Variants in STAG1 observed in about 807,000 individuals in gnomAD.
STAG1 encodes the protein cohesin subunit SA-1.
In STAG1, 26 loss-of-function variants were observed where a neutral mutation model predicts 170.9. That is an observed-to-expected ratio of 0.15 (90% CI 0.11 to 0.21). The LOEUF is 0.21. STAG1 is among the 10% of genes least tolerant of loss of function. The probability of loss-of-function intolerance (pLI) is 1.00; values close to 1 mark genes in which losing one functional copy is unlikely to be tolerated. For synonymous variants in STAG1, 514 were observed against 497.7 expected (o/e 1.03, Z -0.44); for missense variants, 964 against 1,509.5 (o/e 0.64, Z 5.99).
chr3:136,530,373 A>C (rs751542815), intron 6 of STAG1, among the ~76,000 whole-genome samples: 4 of 152,184 alleles, frequency 2.6e-5, no homozygotes, highest in Non-Finnish European at 4.4e-5. Flanking sequence ...AATAGACTTG[A>C]CATTTATAGG....
intron 12 of STAG1, among the ~76,000 whole-genome samples, chr3:136,470,105 A>C (rs892537010): frequency 4.6e-5 from 7 of 152,176 alleles, no homozygotes; most frequent in Non-Finnish European, 7.4e-5. Context: ...ACACCAAAAG[A>C]AATGGCAACA....
At chr3:136,664,796 G>A (rs957375278) in intron 1 of STAG1, among the ~76,000 whole-genome samples, 1 of 152,138 alleles carries the variant, frequency 6.6e-6, no homozygotes, top group African/African-American at 2.4e-5. Context: ...CTGCAACAGA[G>A]AATCTCATTC....
At chr3:136,357,661 A>G in intron 28 of STAG1, 59 bp downstream of exon 28, 1 of 1,417,100 alleles carries the variant, frequency 7.1e-7, no homozygotes, top group Non-Finnish European at 9.5e-7. Context: ...TTTTTCAAAA[A>G]ATAAACATTT....
chr3:136,392,909 A>T (rs1372078150), intron 22 of STAG1, among the ~76,000 whole-genome samples: 1 of 151,888 alleles, frequency 6.6e-6, no homozygotes, highest in Non-Finnish European at 1.5e-5. Context: ...GAAGTAGGAG[A>T]GCTCAAATTT....
intron 1 of STAG1, among the ~76,000 whole-genome samples, chr3:136,634,351 T>G (rs55970317): frequency 0.36 from 54,507 of 151,014 alleles, 12,346 homozygotes; most frequent in East Asian, 0.81. Flanking sequence ...GAGACCCTGC[T>G]TCAGCCCCCA....
intron 20 of STAG1, among the ~76,000 whole-genome samples, chr3:136,419,731 G>A (rs889125941): frequency 4.6e-5 from 7 of 151,146 alleles, no homozygotes; most frequent in Middle Eastern, 3.4e-3. Context: ...CCAAAGTGCT[G>A]AGATTACAGG....
At chr3:136,455,281 A>T (rs2107782411) in intron 13 of STAG1, among the ~76,000 whole-genome samples, 1 of 152,182 alleles carries the variant, frequency 6.6e-6, no homozygotes, top group East Asian at 1.9e-4. Context: ...ATATGCTAGA[A>T]CTCTGAAGAG....
intron 13 of STAG1, among the ~76,000 whole-genome samples, chr3:136,453,408 A>G (rs920547103): frequency 2.6e-5 from 4 of 152,082 alleles, no homozygotes; most frequent in Admixed American, 2.6e-4. Flanking sequence ...TGGCTCACAC[A>G]GTGAAACCCC....
chr3:136,510,314 G>C (rs1374277361), intron 7 of STAG1, among the ~76,000 whole-genome samples: 1 of 152,138 alleles, frequency 6.6e-6, no homozygotes. Context: ...TTTTGAGATG[G>C]AGTCTCATTC....
chr3:136,743,210 T>C (rs1934764222), intron 1 of STAG1, among the ~76,000 whole-genome samples: 1 of 151,836 alleles, frequency 6.6e-6, no homozygotes, highest in Non-Finnish European at 1.5e-5. Flanking sequence ...CTACTAAAAA[T>C]ACAAAAAATT....
chr3:136,433,680 T>A, intron 15 of STAG1, 21 bp from the exon 16 acceptor site: 1 of 1,510,634 alleles, frequency 6.6e-7, no homozygotes, highest in South Asian at 1.1e-5. Flanking sequence ...ACAAAATACA[T>A]GAGCATGAGT....
chr3:136,590,386 G>A lies in STAG1; in HGVS notation c.297+13923C>T, dbSNP rs913080224. The stretch of plus-strand genomic sequence containing the variant: ...TGTGCGCCTGTAATCCCAGCTACTC[G>A]GGAGGCTGAGGCAGGAGAATCGCAT... On this transcript the variant is annotated intron_variant, in intron 4 of 33. Transcript: ENST00000383202. Among the ~76,000 whole-genome samples, 13 of 151,584 alleles carry A rather than the reference G, an allele frequency of 8.6e-5. No individual in the cohort carries two copies. In the East Asian group the frequency reaches 1.6e-3, roughly 18 times the overall value.
At chr3:136,720,578 T>A (rs1933187636) in intron 1 of STAG1, among the ~76,000 whole-genome samples, 1 of 151,990 alleles carries the variant, frequency 6.6e-6, no homozygotes, top group Admixed American at 6.6e-5. Context: ...TCACCTGAGG[T>A]CAGGAGTTCA....
At position 136,620,050 on chromosome 3, in the gene STAG1, A is replaced by T. The variant is rs1209004634; in HGVS notation, c.132+3096T>A. Among the ~76,000 whole-genome samples the T allele has an allele frequency of 2.0e-5, 3 of 152,202 alleles. No homozygotes were observed. The South Asian group carries it at 6.2e-4, about 32-fold the overall frequency. ...CACTGCACTGCAGCCTGGGTGACAG[A>T]GTGAGATCCTGTCTCAAAAGAAAAA... On this transcript the variant is annotated intron_variant, in intron 3 of 33. Transcript: ENST00000383202.
Position 136,359,172 on chromosome 3 carries a change from C to T in STAG1, c.2912G>A (p.Arg971Gln). ...LTFGLDQIKTREAVATLHKDG... is the reference protein window; with the variant it reads ...LTFGLDQIKTQEAVATLHKDG... ...CTTGTGAAGTGTGGCAACTGCTTCT[C>T]GTGTCTTAATCTGGTCCAATCCAAA... The change falls in exon 27 of 34, where the codon CGA becomes CAA. Residue 971 changes from arginine to glutamine, a missense_variant. Physicochemically the swap from Arg to Gln is conservative, Grantham distance 43 (BLOSUM62 1). Around this residue, in one of 11 missense-constraint regions of STAG1, gnomAD observed 149 missense variants for 301.3 expected, o/e 0.49. Coordinates refer to ENST00000383202, the MANE Select transcript of STAG1 (RefSeq NM_005862.3). 1.2e-6 allele frequency: 2 copies of T among 1,611,966 alleles called. No homozygotes were observed. Among genetic ancestry groups the T allele is most frequent in the Non-Finnish European group, 1.7e-6 (2 of 1,179,044 alleles).
intron 1 of STAG1, among the ~76,000 whole-genome samples, chr3:136,642,256 C>G (rs1362147704): frequency 5.2e-5 from 7 of 134,238 alleles, no homozygotes; most frequent in African/African-American, 1.9e-4. Context: ...GTGTAACAGA[C>G]AGAATTTCTT....
chr3:136,339,468 A>AG (rs1299469823), intron 32 of STAG1, among the ~76,000 whole-genome samples: 8 of 152,236 alleles, frequency 5.3e-5, no homozygotes, highest in Admixed American at 2.6e-4. Flanking sequence ...GGTTGCAGTG[A>AG]GCCGAGATTG....
intron 4 of STAG1, among the ~76,000 whole-genome samples, chr3:136,603,736 A>T (rs1313458047): frequency 6.6e-6 from 1 of 152,032 alleles, no homozygotes; most frequent in African/African-American, 2.4e-5. Context: ...ACATACAAAA[A>T]ATTAGCCGGG....
chr3:136,460,247 A>T (rs756512018), intron 13 of STAG1, among the ~76,000 whole-genome samples: 62 of 152,340 alleles, frequency 4.1e-4, no homozygotes, highest in South Asian at 1.7e-3. Context: ...ACAAAATGTA[A>T]AACCTAAAAG....
Sources: gnomAD v4.1 joint callset for allele counts (sites outside exome capture counted in the v4.1 genomes callset) on GRCh38, gnomAD v4.1.1 for gene constraint, gnomAD v4.1.1 regional missense constraint, MANE v1.5 for transcripts, NCBI Gene and HGNC (gene_info 2026-07-23, HGNC 2026-07-21) for gene names.